The following CA8 variants were observed in gnomAD, a reference collection of about 807,000 sequenced individuals.
CA8 encodes the protein carbonic anhydrase-related protein.
Under a neutral mutation model 41.4 loss-of-function variants are expected in CA8, and 22 were observed. The observed-to-expected ratio is 0.53, with a 90% CI of 0.38 to 0.76. The LOEUF (loss-of-function observed/expected upper bound fraction) is 0.76, where lower values mean the gene tolerates loss of function less well. Among genes scored for constraint, CA8 ranks in the 30% least tolerant of loss-of-function variants. CA8 has a pLI of 0.00. For missense variants in CA8, 270 were observed against 352.8 expected, an observed-to-expected ratio of 0.77 and a Z score of 1.88; for synonymous variants, 121 against 130.6, an observed-to-expected ratio of 0.93 and a Z score of 0.50.
chr8:60,210,955 A>C (rs961689030), intron 7 of CA8, among the ~76,000 whole-genome samples: 3 of 152,160 alleles, frequency 2.0e-5, no homozygotes, highest in Admixed American at 2.0e-4. Context: ...GTTTTCCCTA[A>C]GTACAGAGTG....
At chr8:60,204,897 C>T (rs1297625403) in intron 8 of CA8, among the ~76,000 whole-genome samples, 1 of 152,174 alleles carries the variant, frequency 6.6e-6, no homozygotes, top group Non-Finnish European at 1.5e-5. Context: ...TTTCCTCACA[C>T]AGGCACCCCC....
rs971338596 is a variant in CA8 at position 60,271,452 on chromosome 8, G to A, written c.293-5403C>T. ...CTTCTTCAGTGAAAATAATTTTTAA[G>A]ATATTTTTGACAATTTCATCTTTAA... On this transcript the variant is annotated intron_variant, in intron 2 of 8. Transcript: ENST00000317995. Among the ~76,000 whole-genome samples, 10 of 152,260 alleles carry A rather than the reference G, an allele frequency of 6.6e-5. No individual in the cohort carries two copies. The East Asian group carries it at 1.9e-3, about 29-fold the overall frequency.
Position 60,199,480 on chromosome 8 carries a change from T to C in CA8, c.*35+9270A>G, listed in dbSNP as rs577337835. Among the ~76,000 whole-genome samples the C allele has an allele frequency of 2.6e-5, 4 of 152,248 alleles. No homozygotes were observed. In the East Asian group the frequency reaches 7.7e-4, roughly 29 times the overall value. On this transcript the variant is annotated intron_variant, in intron 8 of 8. Coordinates refer to ENST00000317995, the MANE Select transcript of CA8 (RefSeq NM_004056.6). ...GTTCCTAATAAAACTCATAAAAGAA[T>C]GAGCAATAAGAATTCAGAGCAATAA...
At position 60,251,040 on chromosome 8, in the gene CA8, T is replaced by C. The variant is rs186204170; in HGVS notation, c.417+14885A>G. On this transcript the variant is annotated intron_variant, in intron 3 of 8. Transcript: ENST00000317995. ...ATATATTTATATGCCATTAAATTACTACAAAATGCTATGGAGAAAAACAAA... is the reference window on the plus strand; with the variant it reads ...ATATATTTATATGCCATTAAATTACCACAAAATGCTATGGAGAAAAACAAA... Among the ~76,000 whole-genome samples, 12 of 152,348 alleles carry C rather than the reference T, an allele frequency of 7.9e-5. No individual in the cohort carries two copies. The East Asian group carries it at 1.9e-3, about 24-fold the overall frequency.
chr8:60,270,730 C>G (rs1011722858), intron 2 of CA8, among the ~76,000 whole-genome samples: 1 of 152,140 alleles, frequency 6.6e-6, no homozygotes, highest in African/African-American at 2.4e-5. Context: ...AGGGTTCATT[C>G]TTAATGGATT....
intron 3 of CA8, among the ~76,000 whole-genome samples, chr8:60,252,031 T>C (rs1262481295): frequency 6.6e-6 from 1 of 152,204 alleles, no homozygotes; most frequent in African/African-American, 2.4e-5. Context: ...AAATGTAAAA[T>C]ATCCATGTAA....
chr8:60,271,572 T>C (rs1804075186), intron 2 of CA8, among the ~76,000 whole-genome samples: 1 of 152,164 alleles, frequency 6.6e-6, no homozygotes. Context: ...CTAAAATTAG[T>C]ATTGAGAATT....
intron 3 of CA8, among the ~76,000 whole-genome samples, chr8:60,238,695 T>C (rs1338136360): frequency 2.0e-5 from 3 of 152,188 alleles, no homozygotes; most frequent in Non-Finnish European, 4.4e-5. Context: ...CTGTTGAAAA[T>C]CTCTGATTTC....
chr8:60,266,534 A>C (rs992706945), intron 2 of CA8, among the ~76,000 whole-genome samples: 2 of 152,238 alleles, frequency 1.3e-5, no homozygotes, highest in Admixed American at 1.3e-4. Flanking sequence ...ATCCATGAAG[A>C]GGATTGATTA....
intron 8 of CA8, 31 bp from the exon 9 acceptor site, chr8:60,190,016 AATT>A (rs1806070477): frequency 6.6e-6 from 1 of 150,870 alleles, no homozygotes; most frequent in South Asian, 2.1e-4. Flanking sequence ...AAAATGAATC[AATT>A]ATGTTACTGA....
chr8:60,226,750 A>T, intron 5 of CA8, 123 bp downstream of exon 5: 2 of 689,516 alleles, frequency 2.9e-6, no homozygotes, highest in South Asian at 3.2e-5. Flanking sequence ...ATAAACCATA[A>T]CCACAAGGAC....
At chr8:60,263,659 G>T (rs968443511) in intron 3 of CA8, among the ~76,000 whole-genome samples, 1 of 152,198 alleles carries the variant, frequency 6.6e-6, no homozygotes, top group East Asian at 1.9e-4. Flanking sequence ...AGAACCAGGG[G>T]ACCTGTAGTC....
chr8:60,203,865 T>A (rs1178699053), intron 8 of CA8, among the ~76,000 whole-genome samples: 1 of 152,230 alleles, frequency 6.6e-6, no homozygotes, highest in Non-Finnish European at 1.5e-5. Flanking sequence ...ACCTGCTTCC[T>A]GTTCTCTCTG....
chr8:60,224,810 C>T (rs1219223614), intron 5 of CA8, among the ~76,000 whole-genome samples: 1 of 152,144 alleles, frequency 6.6e-6, no homozygotes, highest in Non-Finnish European at 1.5e-5. Context: ...TCAATTCTCC[C>T]TGTAAGTCCT....
rs543542365 is a variant in CA8 at position 60,186,309 on chromosome 8, CT to C, written c.*3711del. 1.1e-3 allele frequency among the ~76,000 whole-genome samples: 167 copies of C among 151,594 alleles called. No individual in the cohort carries two copies. Among genetic ancestry groups the C allele is most frequent in the African/African-American group, 3.6e-3 (147 of 41,340 alleles). ...TATTTAGTAGTAACTAAATAACTCA[CT>C]GTAATAAAGTTATTATAAATCTGAA... On this transcript the variant is annotated 3_prime_UTR_variant, in exon 9 of 9. Coordinates refer to ENST00000317995, the MANE Select transcript of CA8 (RefSeq NM_004056.6).
rs140665950 is a variant in CA8 at position 60,242,491 on chromosome 8, G to A, written c.418-10112C>T. Among the ~76,000 whole-genome samples, 422 of 152,314 alleles carry A rather than the reference G, an allele frequency of 2.8e-3. 2 individuals are homozygous for A. The highest frequency in any genetic ancestry group is 0.014 in the Middle Eastern group (4 of 294). ...GAGGGAGGGTTGGAAAAGACAGAGC[G>A]GGGTACACTGCACAGTGTGAGTATT... is the stretch of plus-strand genomic sequence containing the variant. On this transcript the variant is annotated intron_variant, in intron 3 of 8. Transcript: ENST00000317995.
At chr8:60,216,268 C>G (rs1807017946) in intron 7 of CA8, among the ~76,000 whole-genome samples, 1 of 152,172 alleles carries the variant, frequency 6.6e-6, no homozygotes, top group Admixed American at 6.5e-5. Flanking sequence ...GTAAAACATT[C>G]AAGGACAGAC....
intron 3 of CA8, among the ~76,000 whole-genome samples, chr8:60,236,128 A>G (rs780242281): frequency 1.3e-5 from 2 of 152,224 alleles, no homozygotes; most frequent in African/African-American, 2.4e-5. Flanking sequence ...TAACATTTAA[A>G]TCAACAGACT....
chr8:60,218,130 A>C (rs963878361), intron 7 of CA8, among the ~76,000 whole-genome samples: 10 of 152,100 alleles, frequency 6.6e-5, no homozygotes, highest in Admixed American at 3.3e-4. Context: ...GCCAGACACA[A>C]GCATACAGAC....
Sources: gnomAD v4.1 joint callset for allele counts (sites outside exome capture counted in the v4.1 genomes callset) on GRCh38, gnomAD v4.1.1 for gene constraint, MANE v1.5 for transcripts, NCBI Gene and HGNC (gene_info 2026-07-23, HGNC 2026-07-21) for gene names.